CDH2: variants seen among roughly 807,000 people sequenced by gnomAD.
CDH2 encodes cadherin 2.
In CDH2, 17 loss-of-function variants were observed where a neutral mutation model predicts 92.0. That is an observed-to-expected ratio of 0.18 (90% CI 0.13 to 0.28). CDH2 has a LOEUF of 0.28. CDH2 is among the 10% of genes least tolerant of loss of function. CDH2 has a pLI of 1.00. For synonymous variants in CDH2, 419 were observed against 415.9 expected, an observed-to-expected ratio of 1.01 and a Z score of -0.09; for missense variants, 862 against 1,133.1, an observed-to-expected ratio of 0.76 and a Z score of 3.44.
At chr18:28,007,242 T>A (rs1391378953) in intron 5 of CDH2, among the ~76,000 whole-genome samples, 1 of 149,350 alleles carries the variant, frequency 6.7e-6, no homozygotes, top group Non-Finnish European at 1.5e-5. Flanking sequence ...TTCTCAGTTT[T>A]ATAGGTATTC....
At chr18:28,105,609 G>A (rs1454014666) in intron 2 of CDH2, among the ~76,000 whole-genome samples, 1 of 151,878 alleles carries the variant, frequency 6.6e-6, no homozygotes, top group Non-Finnish European at 1.5e-5. Flanking sequence ...AAACCTAGAA[G>A]GAAAGTTCAA....
downstream of CDH2, among the ~76,000 whole-genome samples, chr18:27,947,758 G>C (rs142573575): frequency 1.9e-5 from 1 of 53,200 alleles, no homozygotes; most frequent in Non-Finnish European, 4.4e-5. Flanking sequence ...TGTATATGAT[G>C]TAAGTATATG....
At chr18:27,950,667 T>G (rs891667031), downstream of CDH2, among the ~76,000 whole-genome samples, 4 of 152,082 alleles carry the variant, frequency 2.6e-5, no homozygotes, top group Non-Finnish European at 5.9e-5. Context: ...CAGAAACAAA[T>G]TAAAACATGA....
chr18:28,110,140 G>A (rs985109115), intron 2 of CDH2, among the ~76,000 whole-genome samples: 1 of 152,176 alleles, frequency 6.6e-6, no homozygotes, highest in African/African-American at 2.4e-5. Flanking sequence ...CATGAAATGA[G>A]AACACACTCA....
chr18:28,046,824 A>C (rs2144118229), intron 2 of CDH2, among the ~76,000 whole-genome samples: 1 of 152,336 alleles, frequency 6.6e-6, no homozygotes, highest in Admixed American at 6.5e-5. Context: ...GCAAAAACAT[A>C]ATTTTGCTTT....
At chr18:27,967,479 C>G (rs903218547) in intron 14 of CDH2, among the ~76,000 whole-genome samples, 4 of 152,094 alleles carry the variant, frequency 2.6e-5, no homozygotes, top group African/African-American at 9.7e-5. Flanking sequence ...GGGTTCATGG[C>G]CTTACTCCTG....
intron 1 of CDH2, among the ~76,000 whole-genome samples, chr18:28,173,698 C>G (rs1283872029): frequency 6.6e-6 from 1 of 152,078 alleles, no homozygotes; most frequent in Non-Finnish European, 1.5e-5. Context: ...TGCCCCATAA[C>G]CCATACAAAC....
At chr18:27,964,347 T>A (rs2011485807) in intron 14 of CDH2, among the ~76,000 whole-genome samples, 1 of 152,192 alleles carries the variant, frequency 6.6e-6, no homozygotes, top group Admixed American at 6.5e-5. Context: ...AGCTCAGACA[T>A]CTGGACAGGA....
chr18:28,146,101 C>G (rs929021208), intron 2 of CDH2: 1 of 152,050 alleles, frequency 6.6e-6, no homozygotes, highest in African/African-American at 2.4e-5. Context: ...CTATTCAACG[C>G]GCCAAAGTAA....
chr18:28,107,257 A>C (rs960657252), intron 2 of CDH2, among the ~76,000 whole-genome samples: 5 of 152,050 alleles, frequency 3.3e-5, no homozygotes, highest in Non-Finnish European at 7.4e-5. Context: ...AGACACCTAC[A>C]GCTTTAAAGT....
intron 1 of CDH2, among the ~76,000 whole-genome samples, chr18:28,169,406 G>A (rs1313566387): frequency 6.6e-6 from 1 of 152,024 alleles, no homozygotes; most frequent in Non-Finnish European, 1.5e-5. Context: ...AGTAATGAAG[G>A]GAGAAAAGAG....
intron 1 of CDH2, among the ~76,000 whole-genome samples, chr18:28,162,670 T>G (rs1052927995): frequency 6.6e-6 from 1 of 152,206 alleles, no homozygotes; most frequent in African/African-American, 2.4e-5. Context: ...CAGAATAGAC[T>G]AATCTTGCTC....
At chr18:27,983,215 T>C (rs2012117327) in intron 13 of CDH2, 132 bp from the exon 14 acceptor site, 4 of 611,058 alleles carry the variant, frequency 6.5e-6, no homozygotes, top group Non-Finnish European at 1.1e-5. Flanking sequence ...CACTCTACTA[T>C]CTATTTCTGG....
chr18:27,988,329 C>G (rs1168547352), intron 11 of CDH2, among the ~76,000 whole-genome samples, 195 bp downstream of exon 11: 2 of 152,114 alleles, frequency 1.3e-5, no homozygotes, highest in Admixed American at 1.3e-4. Flanking sequence ...GGATGGACAT[C>G]GAGAACAGTC....
chr18:27,983,032 T>C lies in CDH2; in HGVS notation c.2261A>G (p.Gln754Arg). 2.5e-6 allele frequency: 4 copies of C among 1,612,600 alleles called. No individual in the cohort carries two copies. Among genetic ancestry groups the C allele is most frequent in the Non-Finnish European group, 3.4e-6 (4 of 1,178,798 alleles). Residue 754 changes from glutamine to arginine, a missense_variant, in exon 14 of 16, where the codon CAG becomes CGG. Physicochemically the swap from Gln to Arg is conservative, Grantham distance 43 (BLOSUM62 1). Around this residue, in one of 5 missense-constraint regions of CDH2, gnomAD observed 564 missense variants for 722.2 expected, o/e 0.78. Coordinates refer to ENST00000269141, the MANE Select transcript of CDH2 (RefSeq NM_001792.5). ...VWMKRRDKER[Q>R]AKQLLIDPED... ...TGGATCAATTAAAAGTTGTTTGGCC[T>C]GGCGTTCTTTATCCCGGCGTTTCAT...
intron 6 of CDH2, among the ~76,000 whole-genome samples, chr18:27,943,663 T>C (rs1157611702): frequency 1.3e-5 from 2 of 152,194 alleles, no homozygotes; most frequent in African/African-American, 4.8e-5. Flanking sequence ...CCAGTATCTA[T>C]GCACCTGGAA....
rs1568028926 is a variant in CDH2, at chr18:28,177,060, CGGCGGCGGCGGCGGCGGCGGCGGA to C, written c.-62_-39del. On this transcript the variant is annotated 5_prime_UTR_variant, in exon 1 of 16. Transcript: ENST00000269141. ...GGGCCGAGCGAAGAGCCGGAGGAGGCGGCGGCGGCGGCGGCGGCGGCGGAGGAGGAGGAGGCAGCGGCAGCACCA... is the reference window on the plus strand; with the variant it reads ...GGGCCGAGCGAAGAGCCGGAGGAGGCGGAGGAGGAGGCAGCGGCAGCACCA... 4 of 1,128,600 alleles carry C rather than the reference CGGCGGCGGCGGCGGCGGCGGCGGA, an allele frequency of 3.5e-6. No individual in the cohort carries two copies. The highest frequency in any genetic ancestry group is 5.1e-5 in the Admixed American group (2 of 39,564). 69.9% of individuals were successfully genotyped at this position (1,128,600 alleles called of 1,614,324 possible). A position where few individuals can be genotyped will look rare whatever the true frequency, so the allele number is the denominator to read the frequency against.
chr18:28,084,534 A>C (rs1160986319), intron 2 of CDH2, among the ~76,000 whole-genome samples: 1 of 152,000 alleles, frequency 6.6e-6, no homozygotes, highest in Non-Finnish European at 1.5e-5. Flanking sequence ...ACACTGTTTC[A>C]AAGAAAGGGA....
chr18:27,963,605 G>A, intron 14 of CDH2, 84 bp from the exon 15 acceptor site: 3 of 1,209,172 alleles, frequency 2.5e-6, no homozygotes, highest in Admixed American at 2.0e-5. Flanking sequence ...CACATACTCA[G>A]AACACATAGA....
Sources: allele counts gnomAD v4.1 joint callset (sites outside exome capture counted in the v4.1 genomes callset), GRCh38; gene constraint gnomAD v4.1.1; regional missense constraint gnomAD v4.1.1; transcripts MANE v1.5; gene names NCBI Gene and HGNC (gene_info 2026-07-23, HGNC 2026-07-21).